The following MAGI1 variants were observed in gnomAD, a reference collection of about 807,000 sequenced individuals.
MAGI1 encodes membrane associated guanylate kinase, WW and PDZ domain containing 1.
In MAGI1, 58 loss-of-function variants were observed where a neutral mutation model predicts 139.9. The ratio of observed to expected loss-of-function variants is 0.41; its 90% CI spans 0.34 to 0.52. The LOEUF (loss-of-function observed/expected upper bound fraction) is 0.52. MAGI1 is among the 20% of genes least tolerant of loss of function. The probability of loss-of-function intolerance (pLI) is 0.12; values close to 1 mark genes in which losing one functional copy is unlikely to be tolerated. For synonymous variants in MAGI1, 812 were observed against 737.9 expected, an observed-to-expected ratio of 1.10 and a Z score of -1.63; for missense variants, 1,874 against 1,901.6, an observed-to-expected ratio of 0.99 and a Z score of 0.27.
At position 65,795,241 on chromosome 3, in the gene MAGI1, A is replaced by T. The variant is rs529388246; in HGVS notation, c.314-173153T>A. Among the ~76,000 whole-genome samples, 3 of 152,362 alleles carry T rather than the reference A, an allele frequency of 2.0e-5. No individual in the cohort carries two copies. In the East Asian group the frequency reaches 5.8e-4, roughly 29 times the overall value. ...GTGCATATGAAATACACAAATGTTC[A>T]TAGCAACTTTATCAGTAATAGCCAA... On this transcript the variant is annotated intron_variant, in intron 1 of 22. Transcript: ENST00000402939.
intron 1 of MAGI1, among the ~76,000 whole-genome samples, chr3:65,782,930 C>G (rs1438881550): frequency 6.7e-6 from 1 of 149,382 alleles, no homozygotes; most frequent in African/African-American, 2.5e-5. Flanking sequence ...AGAGAAAAAT[C>G]AATTTCATGA....
chr3:65,976,719 C>T (rs1047800073), intron 1 of MAGI1, among the ~76,000 whole-genome samples: 3 of 152,290 alleles, frequency 2.0e-5, no homozygotes, highest in East Asian at 1.9e-4. Flanking sequence ...ATTACCCTCA[C>T]GTTTGACTTT....
chr3:65,710,227 A>G (rs1485036342), intron 1 of MAGI1, among the ~76,000 whole-genome samples: 1 of 151,500 alleles, frequency 6.6e-6, no homozygotes, highest in African/African-American at 2.4e-5. Context: ...GTAAGTTTAG[A>G]AGATGTCTTT....
intron 1 of MAGI1, among the ~76,000 whole-genome samples, chr3:65,977,796 C>T (rs1396454211): frequency 6.6e-6 from 1 of 152,044 alleles, no homozygotes; most frequent in Non-Finnish European, 1.5e-5. Context: ...TGTTTGTGCC[C>T]GACTTGAGCC....
At position 66,038,172 on chromosome 3, in the gene MAGI1, G is replaced by T; in HGVS notation, c.137C>A (p.Ala46Glu). ...CCCCGCTGCCTCGACCGCCGCCACCGCTCCGACGTACGGAAACTCCCCGTG... is the reference window on the plus strand; with the variant it reads ...CCCCGCTGCCTCGACCGCCGCCACCTCTCCGACGTACGGAAACTCCCCGTG... ...AEHGEFPYVG[A>E]VAAVEAAGLP... Residue 46 changes from alanine (A) to glutamate (E), a missense_variant, in exon 1 of 23, where the codon GCG becomes GAG. Ala to Glu is a moderately radical substitution (Grantham distance 107). Coordinates refer to ENST00000402939, the MANE Select transcript of MAGI1 (RefSeq NM_001033057.2). The T allele has an allele frequency of 6.2e-7, 1 of 1,611,982 alleles. No individual in the cohort carries two copies. The highest frequency in any genetic ancestry group is 8.5e-7 in the Non-Finnish European group (1 of 1,179,524).
intron 1 of MAGI1, chr3:65,873,867 G>A (rs1217907202): frequency 6.6e-6 from 1 of 151,706 alleles, no homozygotes; most frequent in Non-Finnish European, 1.5e-5. Flanking sequence ...GAAACTCTTA[G>A]AAGATATAAA....
chr3:65,433,980 T>C (rs563056294), intron 10 of MAGI1, among the ~76,000 whole-genome samples: 120 of 152,296 alleles, frequency 7.9e-4, no homozygotes, highest in African/African-American at 2.9e-3. Flanking sequence ...CTTAATTTTT[T>C]GATTTTTTAA....
chr3:65,459,650 T>C (rs921967909), intron 5 of MAGI1, among the ~76,000 whole-genome samples: 1 of 152,172 alleles, frequency 6.6e-6, no homozygotes, highest in Non-Finnish European at 1.5e-5. Context: ...CAGCATGATG[T>C]TGAATAACCA....
chr3:66,024,258 C>T (rs993792500), intron 1 of MAGI1, among the ~76,000 whole-genome samples: 4 of 149,260 alleles, frequency 2.7e-5, no homozygotes, highest in African/African-American at 9.9e-5. Context: ...TTTGGTTCAC[C>T]CTTTTTTTAA....
intron 2 of MAGI1, among the ~76,000 whole-genome samples, chr3:65,505,470 C>T (rs545245539): frequency 1.3e-5 from 2 of 151,050 alleles, no homozygotes; most frequent in Non-Finnish European, 2.9e-5. Context: ...ATAGTGAAAC[C>T]TTGTCTCTAA....
chr3:65,597,916 A>AG, intron 2 of MAGI1: 1 of 224,776 alleles, frequency 4.4e-6, no homozygotes, highest in Admixed American at 5.4e-5. Context: ...CTGTAAAGAG[A>AG]GGCGGGGGTG....
At chr3:65,492,038 T>G (rs904751825) in intron 3 of MAGI1, among the ~76,000 whole-genome samples, 3 of 152,202 alleles carry the variant, frequency 2.0e-5, no homozygotes, top group African/African-American at 4.8e-5. Flanking sequence ...ATTATCACAT[T>G]AAAGCTATAA....
chr3:65,698,439 C>T (rs983307003), intron 1 of MAGI1, among the ~76,000 whole-genome samples: 1 of 149,576 alleles, frequency 6.7e-6, no homozygotes, highest in African/African-American at 2.5e-5. Context: ...GCCAAAAGAA[C>T]AAAGCTGGAG....
intron 2 of MAGI1, among the ~76,000 whole-genome samples, chr3:65,577,016 A>G (rs1407955616): frequency 6.6e-6 from 1 of 152,228 alleles, no homozygotes; most frequent in Non-Finnish European, 1.5e-5. Context: ...TAAATATGTA[A>G]GTAGTCTTTC....
chr3:65,612,581 C>A (rs1364180908), intron 2 of MAGI1, among the ~76,000 whole-genome samples: 1 of 152,030 alleles, frequency 6.6e-6, no homozygotes, highest in Non-Finnish European at 1.5e-5. Context: ...TTGACGTTTT[C>A]TTGTTTAAAT....
chr3:65,447,973 G>A, intron 7 of MAGI1, 49 bp downstream of exon 7: 1 of 1,604,674 alleles, frequency 6.2e-7, no homozygotes, highest in Non-Finnish European at 8.5e-7. Context: ...AACCATGCAG[G>A]CCATGTCATG....
intron 1 of MAGI1, among the ~76,000 whole-genome samples, chr3:65,835,702 A>G (rs1382200997): frequency 6.6e-6 from 1 of 152,240 alleles, no homozygotes; most frequent in Non-Finnish European, 1.5e-5. Context: ...GTGAAAAACA[A>G]GAAATCTAAA....
chr3:65,392,804 G>C (rs767021), intron 13 of MAGI1, among the ~76,000 whole-genome samples: 140,664 of 152,260 alleles, frequency 0.92, 65,581 homozygotes, highest in Non-Finnish European at 1. Context: ...GATTTGAATG[G>C]AGGTATTGGC....
rs1170117393 is a variant in MAGI1, at chr3:65,873,892, AC to A, written c.313+164103del. The A allele has an allele frequency of 8.6e-5, 13 of 151,944 alleles. No individual in the cohort carries two copies. The East Asian group carries it at 2.3e-3, about 27-fold the overall frequency. The allele number at this position is 151,944 out of a possible 1,614,324, so 9.4% of individuals were successfully genotyped here. On this transcript the variant is annotated intron_variant, in intron 1 of 22. Coordinates refer to ENST00000402939, the MANE Select transcript of MAGI1 (RefSeq NM_001033057.2). ...GAAGATATAAAAGTAAATCTTCAAA[AC>A]CCTGGGTCAGGTGAAGCCTATTTAA...
Sources: gnomAD v4.1 joint callset for allele counts (sites outside exome capture counted in the v4.1 genomes callset) on GRCh38, gnomAD v4.1.1 for gene constraint, MANE v1.5 for transcripts, NCBI Gene and HGNC (gene_info 2026-07-23, HGNC 2026-07-21) for gene names.